The following CEBPZ variants were observed in gnomAD, a reference collection of about 807,000 sequenced individuals.
CEBPZ encodes the protein CCAAT/enhancer-binding protein zeta.
In CEBPZ, 78 loss-of-function variants were observed where a neutral mutation model predicts 104.5. The ratio of observed to expected loss-of-function variants is 0.75; its 90% CI spans 0.62 to 0.90. The LOEUF (loss-of-function observed/expected upper bound fraction) is 0.90, where lower values mean the gene tolerates loss of function less well. Among genes scored for constraint, CEBPZ ranks in the 40% least tolerant of loss-of-function variants. The probability of loss-of-function intolerance (pLI) is 0.00; values close to 1 mark genes in which losing one functional copy is unlikely to be tolerated. For missense variants in CEBPZ, 1,439 were observed against 1,233.5 expected (o/e 1.17, Z -2.50); for synonymous variants, 470 against 427.0 (o/e 1.10, Z -1.24).
chr2:37,210,915 T>G, intron 13 of CEBPZ, 84 bp downstream of exon 13: 9 of 786,890 alleles, frequency 1.1e-5, no homozygotes, highest in Middle Eastern at 2.6e-4. Flanking sequence ...ATTAATCAAA[T>G]TTAGGAGAGT....
intron 5 of CEBPZ, among the ~76,000 whole-genome samples, chr2:37,218,309 T>G (rs1664686716): frequency 6.6e-6 from 1 of 152,046 alleles, no homozygotes; most frequent in African/African-American, 2.4e-5. Flanking sequence ...TAATTATGCT[T>G]CAGGACGAAA....
At chr2:37,229,088 CATAAA>C in intron 1 of CEBPZ, 52 bp from the exon 2 acceptor site, 1 of 1,337,106 alleles carries the variant, frequency 7.5e-7, no homozygotes. Context: ...AAAATAAAAC[CATAAA>C]ATAATAGGAA....
chr2:37,220,530 T>C lies in CEBPZ; in HGVS notation c.2066-57A>G, dbSNP rs139130078. 42 of 862,666 alleles carry C rather than the reference T, an allele frequency of 4.9e-5. No homozygotes were observed. The African/African-American group carries it at 4.9e-4, about 10-fold the overall frequency. 53.4% of individuals were successfully genotyped at this position (862,666 alleles called of 1,614,324 possible). On this transcript the variant is annotated intron_variant, in intron 4 of 15. Coordinates refer to ENST00000234170, the MANE Select transcript of CEBPZ (RefSeq NM_005760.3). ...AATGCTTTCTTCCTAGCCCAAGAGG[T>C]CATTAAAAGCACCACCATTAATATT... is the stretch of plus-strand genomic sequence containing the variant.
At chr2:37,206,945 A>G (rs2148340678) in intron 13 of CEBPZ, among the ~76,000 whole-genome samples, 1 of 152,318 alleles carries the variant, frequency 6.6e-6, no homozygotes, top group South Asian at 2.1e-4. Context: ...ACTTAAGGTA[A>G]AGGGGTGGGA....
At position 37,202,853 on chromosome 2, in the gene CEBPZ, A is replaced by C. The variant is rs145678667; in HGVS notation, c.2956T>G (p.Leu986Val). 6.2e-7 allele frequency: 1 copy of C among 1,601,810 alleles called. No homozygotes were observed. The highest frequency in any genetic ancestry group is 1.3e-5 in the African/African-American group (1 of 74,512). The part of the protein sequence containing the change: ...FVSAEEFGHL[L>V]DENMGSKFDN... Reference sequence around the variant, plus strand: ...AACTTGGATCCCATATTTTCATCCAATAGATGGCCAAACTTTTAAACAAAA... The same window carrying C: ...AACTTGGATCCCATATTTTCATCCACTAGATGGCCAAACTTTTAAACAAAA... The change falls in exon 15 of 16, where the codon TTG becomes GTG. Residue 986 changes from leucine (L) to valine (V), a missense_variant. Leu to Val is a conservative substitution (Grantham distance 32). Coordinates refer to ENST00000234170, the MANE Select transcript of CEBPZ (RefSeq NM_005760.3).
At chr2:37,224,808 A>C (rs1476892862) in intron 2 of CEBPZ, among the ~76,000 whole-genome samples, 2 of 152,220 alleles carry the variant, frequency 1.3e-5, no homozygotes, top group African/African-American at 4.8e-5. Context: ...TAAAACCAAG[A>C]GCAAACAAAC....
rs1213614122 is a variant in CEBPZ, at chr2:37,213,920, T to A, written c.2489A>T (p.Asp830Val). The stretch of plus-strand genomic sequence containing the variant: ...GTCTTCTATACTTTCTTCATCTGCA[T>A]CCCGTTTTTGTTTCTCTTTAACAGC... ...KVAVKEKQKR[D>V]ADEESIEDVD... The change falls in exon 10 of 16, where the codon GAT becomes GTT. Residue 830 changes from aspartate to valine, a missense_variant. By Grantham distance (152) the Asp-to-Val change is radical. Transcript: ENST00000234170. 4 of 1,594,238 alleles carry A rather than the reference T, an allele frequency of 2.5e-6. No individual in the cohort carries two copies. The African/African-American group carries it at 4.1e-5, about 16-fold the overall frequency.
chr2:37,225,319 G>C (rs542655236), intron 2 of CEBPZ, among the ~76,000 whole-genome samples: 2 of 152,288 alleles, frequency 1.3e-5, no homozygotes, highest in South Asian at 4.1e-4. Context: ...ATCTCACAGT[G>C]TGGGGAAAAG....
intron 12 of CEBPZ, 105 bp from the exon 13 acceptor site, chr2:37,211,187 A>G: frequency 1.5e-6 from 1 of 651,842 alleles, no homozygotes; most frequent in Non-Finnish European, 2.6e-6. Flanking sequence ...AAGGCACTAT[A>G]CTGCTATTCC....
At position 37,211,073 on chromosome 2, in the gene CEBPZ, A is replaced by T. The variant is rs1181454207; in HGVS notation, c.2810T>A (p.Val937Asp). 9 of 1,607,058 alleles carry T rather than the reference A, an allele frequency of 5.6e-6. No homozygotes were observed. The highest frequency in any genetic ancestry group is 1.7e-5 in the Admixed American group (1 of 58,528). Residue 937 changes from valine to aspartate, a missense_variant, in exon 13 of 16, where the codon GTC becomes GAC. Physicochemically the swap from Val to Asp is radical, Grantham distance 152 (BLOSUM62 -3). Transcript: ENST00000234170. ...DESESVPELE[V>D]HSKVSTKKSK... ...TTTCTTAGTACTGACTTTGGAGTGG[A>T]CTTCAAGTTCTGTTACACGAAAAAA...
At position 37,226,223 on chromosome 2, in the gene CEBPZ, C is replaced by G. The variant is rs557172552; in HGVS notation, c.1649+1321G>C. Among the ~76,000 whole-genome samples the G allele has an allele frequency of 3.3e-5, 5 of 151,958 alleles. No homozygotes were observed. The East Asian group carries it at 9.7e-4, about 29-fold the overall frequency. On this transcript the variant is annotated intron_variant, in intron 2 of 15. Coordinates refer to ENST00000234170, the MANE Select transcript of CEBPZ (RefSeq NM_005760.3). ...TTTGTCTCTGTGTCTTTTTCTTTTC[C>G]AAATCTCTCGTCCCACCTTACGAGA...
intron 2 of CEBPZ, 104 bp from the exon 3 acceptor site, chr2:37,223,505 CTT>C: frequency 1.1e-6 from 1 of 939,986 alleles, no homozygotes; most frequent in East Asian, 2.5e-5. Flanking sequence ...TTAGGGATAA[CTT>C]TGCTGCTTAT....
intron 5 of CEBPZ, among the ~76,000 whole-genome samples, chr2:37,218,454 G>C (rs1336636108): frequency 6.6e-6 from 1 of 152,130 alleles, no homozygotes; most frequent in Non-Finnish European, 1.5e-5. Flanking sequence ...GTAGAAAATA[G>C]TCTTTCACAT....
At chr2:37,213,060 AC>A (rs966798772) in intron 10 of CEBPZ, among the ~76,000 whole-genome samples, 16 of 151,662 alleles carry the variant, frequency 1.1e-4, no homozygotes, top group Middle Eastern at 3.4e-3. Context: ...AAACAAACAA[AC>A]CCCCCAAAAA....
intron 5 of CEBPZ, among the ~76,000 whole-genome samples, chr2:37,219,663 G>C (rs72875735): frequency 1.2e-4 from 19 of 152,242 alleles, no homozygotes; most frequent in African/African-American, 4.6e-4. Context: ...AGCTGCATAA[G>C]ATACTTACTG....
At chr2:37,213,808 G>T in intron 10 of CEBPZ, 56 bp downstream of exon 10, 1 of 1,141,530 alleles carries the variant, frequency 8.8e-7, no homozygotes, top group Non-Finnish European at 1.3e-6. Flanking sequence ...AATGTTCCAT[G>T]GTCTATTAAC....
At chr2:37,213,155 A>C (rs1259063441) in intron 10 of CEBPZ, among the ~76,000 whole-genome samples, 2 of 152,216 alleles carry the variant, frequency 1.3e-5, no homozygotes, top group African/African-American at 4.8e-5. Context: ...ATTAAGTTTC[A>C]ATCAAAATTT....
At chr2:37,205,614 C>G (rs1399593069) in intron 13 of CEBPZ, among the ~76,000 whole-genome samples, 1 of 152,190 alleles carries the variant, frequency 6.6e-6, no homozygotes, top group Non-Finnish European at 1.5e-5. Flanking sequence ...GTTTGGTGGT[C>G]TCTTCATACA....
chr2:37,217,252 C>A (rs1201167612), intron 5 of CEBPZ, among the ~76,000 whole-genome samples: 1 of 151,816 alleles, frequency 6.6e-6, no homozygotes, highest in African/African-American at 2.4e-5. Flanking sequence ...CAAAAATAGT[C>A]AGGGTGTGAT....
Sources: allele counts gnomAD v4.1 joint callset (sites outside exome capture counted in the v4.1 genomes callset), GRCh38; gene constraint gnomAD v4.1.1; transcripts MANE v1.5; gene names NCBI Gene and HGNC (gene_info 2026-07-23, HGNC 2026-07-21).